The following XPO5 variants were observed in gnomAD, a reference collection of about 807,000 sequenced individuals.
XPO5 encodes the protein exportin 5.
A neutral mutation model predicts 160.6 loss-of-function variants in XPO5; 46 were observed. The observed-to-expected ratio is 0.29, with a 90% CI of 0.23 to 0.37. The LOEUF is 0.37. Among genes scored for constraint, XPO5 ranks in the 10% least tolerant of loss-of-function variants. The pLI is 1.00. For synonymous variants in XPO5, 537 were observed against 519.3 expected (o/e 1.03, Z -0.46); for missense variants, 1,090 against 1,463.9 (o/e 0.74, Z 4.17).
intron 20 of XPO5, among the ~76,000 whole-genome samples, chr6:43,545,784 T>TA: frequency 6.6e-6 from 1 of 151,914 alleles, no homozygotes; most frequent in Non-Finnish European, 1.5e-5. Context: ...CTGAATTATA[T>TA]AAAAAAACCT....
chr6:43,532,921 G>A (rs1455260222), intron 21 of XPO5, among the ~76,000 whole-genome samples: 7 of 152,210 alleles, frequency 4.6e-5, no homozygotes, highest in Admixed American at 4.6e-4. Context: ...AAGGCAGGCA[G>A]AGCACTTGAG....
chr6:43,574,637 C>A lies in XPO5; in HGVS notation c.106-1036G>T, dbSNP rs1452597475. Among the ~76,000 whole-genome samples, 5 of 152,010 alleles carry A rather than the reference C, an allele frequency of 3.3e-5. No individual in the cohort carries two copies. The East Asian group carries it at 9.6e-4, about 29-fold the overall frequency. ...ATAAGAAATTATTTGTTAGAGACAT[C>A]CCCCTGACGTACATAGGGGTGAAAT... On this transcript the variant is annotated intron_variant, in intron 1 of 31. Coordinates refer to ENST00000265351, the MANE Select transcript of XPO5 (RefSeq NM_020750.3).
In XPO5 at chr6:43,567,324, C is replaced by T; in HGVS notation, c.679G>A (p.Ala227Thr). 1 of 1,610,494 alleles carries T rather than the reference C, an allele frequency of 6.2e-7. No individual in the cohort carries two copies. The highest frequency in any genetic ancestry group is 8.5e-7 in the Non-Finnish European group (1 of 1,178,762). ...AQANCRVGVA[A>T]LNTLAGYIDW... is the part of the protein sequence containing the mutation. ...ATATAGCCTGCTAGAGTATTCAGTG[C>T]TGCAACTCCTACTCGACAGTTTGCT... Residue 227 changes from alanine to threonine, a missense_variant, in exon 7 of 32, where the codon GCA becomes ACA. Ala to Thr is a moderately conservative substitution (Grantham distance 58). Transcript: ENST00000265351.
rs572977578 is a variant in XPO5 at position 43,544,715 on chromosome 6, C to T, written c.2342+1856G>A. On this transcript the variant is annotated intron_variant, in intron 20 of 31. Transcript: ENST00000265351. ...CTGAAGCAGGCTCAGCTGTCCGAGACCAGCCTGGGCAACATGGCAAAACCC... is the reference window on the plus strand; with the variant it reads ...CTGAAGCAGGCTCAGCTGTCCGAGATCAGCCTGGGCAACATGGCAAAACCC... 2.0e-4 allele frequency among the ~76,000 whole-genome samples: 30 copies of T among 152,230 alleles called. 1 individual carries two copies. In the South Asian group the frequency reaches 6.2e-3, roughly 32 times the overall value.
chr6:43,551,134 T>C (rs1047234256), intron 15 of XPO5, 164 bp downstream of exon 15: 2 of 598,290 alleles, frequency 3.3e-6, no homozygotes, highest in Middle Eastern at 4.9e-4. Context: ...TGCATGCTTG[T>C]AGTCTCAGCT....
chr6:43,538,248 C>A (rs760296842), intron 20 of XPO5, among the ~76,000 whole-genome samples: 4 of 132,606 alleles, frequency 3.0e-5, no homozygotes, highest in Middle Eastern at 4.8e-3. Flanking sequence ...CTGCTGGGTT[C>A]AAGTGATTCT....
intron 13 of XPO5, chr6:43,553,777 C>T (rs1295259097): frequency 1.1e-5 from 4 of 355,854 alleles, no homozygotes; most frequent in African/African-American, 6.3e-5. Flanking sequence ...TGTAGTAAAA[C>T]CATTTTGAGT....
intron 20 of XPO5, among the ~76,000 whole-genome samples, chr6:43,544,554 G>A (rs562053850): frequency 6.6e-6 from 1 of 152,294 alleles, no homozygotes; most frequent in South Asian, 2.1e-4. Flanking sequence ...AAAAGGTCTA[G>A]GTGATTAGCT....
At chr6:43,527,149 A>G (rs1793648959) in intron 26 of XPO5, 1 of 219,956 alleles carries the variant, frequency 4.5e-6, no homozygotes, top group Admixed American at 5.1e-5. Context: ...AATGAATCCA[A>G]ATTCCTTCTG....
Position 43,538,751 on chromosome 6 carries a change from T to C in XPO5, c.2343-4744A>G, listed in dbSNP as rs943883877. The C allele has an allele frequency of 8.8e-5, 50 of 567,090 alleles. No homozygotes were observed. The African/African-American group carries it at 9.0e-4, about 10-fold the overall frequency. 35.1% of individuals were successfully genotyped at this position (567,090 alleles called of 1,614,324 possible). A position where few individuals can be genotyped will look rare whatever the true frequency, so the allele number is the denominator to read the frequency against. ...AAATAAATAAGCCTCATAAAATGAG[T>C]TATGGAGCACTACATTTTTCTTTTT... is the stretch of plus-strand genomic sequence containing the variant. On this transcript the variant is annotated intron_variant, in intron 20 of 31. Transcript: ENST00000265351.
intron 20 of XPO5, among the ~76,000 whole-genome samples, chr6:43,543,592 T>C (rs1420879593): frequency 6.6e-6 from 1 of 151,852 alleles, no homozygotes; most frequent in African/African-American, 2.4e-5. Flanking sequence ...ATGTGTCCAC[T>C]TTGTGAAAAT....
At chr6:43,538,898 A>G (rs959549123) in intron 20 of XPO5, 15 of 1,239,488 alleles carry the variant, frequency 1.2e-5, no homozygotes, top group Admixed American at 5.3e-5. Flanking sequence ...GTGGTCAGTG[A>G]ATTCCTGATA....
In XPO5 at chr6:43,575,978, G is replaced by A. The variant is rs1763303987; in HGVS notation, c.-114C>T. ...CCGGGCCGCGGCGGGCGGCGGGGGT[G>A]GGAAGCTGGAGGAGGAGCGTTAGCA... On this transcript the variant is annotated 5_prime_UTR_variant, in exon 1 of 32. Transcript: ENST00000265351. 2.9e-6 allele frequency: 3 copies of A among 1,023,820 alleles called. No individual in the cohort carries two copies. The highest frequency in any genetic ancestry group is 2.1e-5 in the Admixed American group (1 of 48,464). The allele number at this position is 1,023,820 out of a possible 1,614,324, so 63.4% of individuals were successfully genotyped here. A position where few individuals can be genotyped will look rare whatever the true frequency, so the allele number is the denominator to read the frequency against.
At chr6:43,530,860 A>G in intron 22 of XPO5, 36 bp from the exon 23 acceptor site, 1 of 1,593,520 alleles carries the variant, frequency 6.3e-7, no homozygotes, top group Non-Finnish European at 8.5e-7. Flanking sequence ...GAAAATGACA[A>G]ATCCAACATC....
intron 20 of XPO5, among the ~76,000 whole-genome samples, chr6:43,535,416 C>G (rs1345540298): frequency 1.3e-5 from 2 of 151,906 alleles, no homozygotes; most frequent in African/African-American, 4.8e-5. Flanking sequence ...ATGGTAAAAC[C>G]CAGTCTCTAC....
In XPO5 at chr6:43,524,881, C is replaced by T. The variant is rs747834363; in HGVS notation, c.3262G>A (p.Gly1088Arg). 4 of 1,613,856 alleles carry T rather than the reference C, an allele frequency of 2.5e-6. No individual in the cohort carries two copies. The highest frequency in any genetic ancestry group is 3.4e-6 in the Non-Finnish European group (4 of 1,179,906). The change falls in exon 30 of 32, where the codon GGG becomes AGG. Residue 1088 changes from glycine (G) to arginine (R), a missense_variant. Coordinates refer to ENST00000265351, the MANE Select transcript of XPO5 (RefSeq NM_020750.3). ...KGLQMHGQHD[G>R]CMASLVHLAF... ...AGATGGACCAGGGAAGCCATGCACCCGTCGTGCTGCCCGTGCATCTGTAAG... is the reference window on the plus strand; with the variant it reads ...AGATGGACCAGGGAAGCCATGCACCTGTCGTGCTGCCCGTGCATCTGTAAG...
intron 11 of XPO5, 128 bp downstream of exon 11, chr6:43,560,050 C>G: frequency 8.3e-7 from 1 of 1,206,712 alleles, no homozygotes. Flanking sequence ...AACTCCTGGG[C>G]TCAAGCGATC....
intron 12 of XPO5, 73 bp downstream of exon 12, chr6:43,558,428 C>T (rs1762230146): frequency 1.5e-6 from 2 of 1,351,540 alleles, no homozygotes; most frequent in Non-Finnish European, 2.0e-6. Flanking sequence ...CCCCAAACAC[C>T]ATGCACCATG....
At chr6:43,568,256 G>A (rs1437551709) in intron 6 of XPO5, among the ~76,000 whole-genome samples, 2 of 152,022 alleles carry the variant, frequency 1.3e-5, no homozygotes, top group East Asian at 3.9e-4. Context: ...GCAGTGAGCC[G>A]AGATCGCGCC....
Sources: gnomAD v4.1 joint callset for allele counts (sites outside exome capture counted in the v4.1 genomes callset) on GRCh38, gnomAD v4.1.1 for gene constraint, MANE v1.5 for transcripts, NCBI Gene and HGNC (gene_info 2026-07-23, HGNC 2026-07-21) for gene names.